IGF1R: variants seen among roughly 807,000 people sequenced by gnomAD.
IGF1R encodes insulin-like growth factor 1 receptor.
A neutral mutation model predicts 144.6 loss-of-function variants in IGF1R; 44 were observed. That is an observed-to-expected ratio of 0.30 (90% confidence interval 0.24 to 0.39). IGF1R has a LOEUF of 0.39. Ranked by LOEUF, IGF1R falls within the 10% of genes least tolerant of loss-of-function variation. IGF1R has a pLI of 1.00. For synonymous variants in IGF1R, 795 were observed against 722.8 expected, an observed-to-expected ratio of 1.10 and a Z score of -1.60; for missense variants, 1,355 against 1,833.7, an observed-to-expected ratio of 0.74 and a Z score of 4.77.
Position 98,957,408 on chromosome 15 carries a change from G to T in IGF1R, c.4070G>T (p.Arg1357Leu). 6.2e-7 allele frequency: 1 copy of T among 1,613,262 alleles called. No homozygotes were observed. Among genetic ancestry groups the T allele is most frequent in the Non-Finnish European group, 8.5e-7 (1 of 1,180,042 alleles). The change falls in exon 21 of 21, where the codon CGG becomes CTG. Residue 1357 changes from arginine to leucine, a missense_variant. Transcript: ENST00000650285. ...ATGAACGGGGGCCGCAAGAACGAGC[G>T]GGCCTTGCCGCTGCCCCAGTCTTCG... is the stretch of plus-strand genomic sequence containing the variant. ...AHMNGGRKNE[R>L]ALPLPQSSTC
chr15:98,929,697 T>G (rs754204097), intron 14 of IGF1R, 37 bp downstream of exon 14: 2 of 1,354,974 alleles, frequency 1.5e-6, no homozygotes, highest in Non-Finnish European at 2.1e-6. Context: ...TTTCTGTGGC[T>G]GAGTGGTTTG....
intron 2 of IGF1R, among the ~76,000 whole-genome samples, chr15:98,814,306 C>T (rs1351618698): frequency 6.6e-6 from 1 of 152,060 alleles, no homozygotes; most frequent in Non-Finnish European, 1.5e-5. Flanking sequence ...TTTTAATGCC[C>T]TGTGTAGCAC....
intron 11 of IGF1R, among the ~76,000 whole-genome samples, chr15:98,923,513 T>C (rs2015578473): frequency 6.6e-6 from 1 of 152,198 alleles, no homozygotes; most frequent in South Asian, 2.1e-4. Flanking sequence ...TTTTTTCAAG[T>C]GGTAGGCACA....
intron 20 of IGF1R, among the ~76,000 whole-genome samples, chr15:98,949,672 C>A (rs1567218441): frequency 6.6e-6 from 1 of 152,164 alleles, no homozygotes; most frequent in Non-Finnish European, 1.5e-5. Context: ...CACCTGGCAA[C>A]CCCACTTATT....
chr15:98,821,280 G>A (rs1280102256), intron 2 of IGF1R, among the ~76,000 whole-genome samples: 1 of 146,540 alleles, frequency 6.8e-6, no homozygotes, highest in Non-Finnish European at 1.5e-5. Context: ...TTTTAAACAC[G>A]CCTCCCCCCC....
At chr15:98,683,893 G>T (rs1317077779) in intron 1 of IGF1R, among the ~76,000 whole-genome samples, 3 of 152,180 alleles carry the variant, frequency 2.0e-5, no homozygotes, top group African/African-American at 7.2e-5. Context: ...TGAATTGCTT[G>T]TTCACAGTAT....
chr15:98,810,609 C>T (rs1246577935), intron 2 of IGF1R, among the ~76,000 whole-genome samples: 3 of 148,682 alleles, frequency 2.0e-5, no homozygotes, highest in Non-Finnish European at 4.4e-5. Flanking sequence ...AGTGCGGTGG[C>T]GCGATCTCTG....
At chr15:98,728,033 C>G (rs1347462222) in intron 2 of IGF1R, among the ~76,000 whole-genome samples, 2 of 58,952 alleles carry the variant, frequency 3.4e-5, no homozygotes, top group Non-Finnish European at 7.8e-5. Context: ...TTTTTTTAAG[C>G]GAGCAGCAGC....
At chr15:98,778,229 C>T (rs2055769579) in intron 2 of IGF1R, among the ~76,000 whole-genome samples, 1 of 152,170 alleles carries the variant, frequency 6.6e-6, no homozygotes, top group Admixed American at 6.5e-5. Flanking sequence ...AGTCATGCCA[C>T]ATGGTGACTG....
intron 2 of IGF1R, among the ~76,000 whole-genome samples, chr15:98,752,722 C>T (rs1259796172): frequency 6.6e-6 from 1 of 151,884 alleles, no homozygotes; most frequent in African/African-American, 2.4e-5. Flanking sequence ...CCTTATCCCC[C>T]AAATGTACCT....
intron 2 of IGF1R, among the ~76,000 whole-genome samples, chr15:98,826,801 GGAAGTGCTGTA>G: frequency 6.6e-6 from 1 of 152,312 alleles, no homozygotes; most frequent in East Asian, 1.9e-4. Flanking sequence ...AAAGACAGAG[GGAAGTGCTGTA>G]TTTTGTTGCT....
At chr15:98,765,239 A>G (rs978154477) in intron 2 of IGF1R, among the ~76,000 whole-genome samples, 13 of 150,252 alleles carry the variant, frequency 8.7e-5, no homozygotes, top group African/African-American at 2.7e-4. Flanking sequence ...AGACACCTCA[A>G]TCTTTGTTCT....
At chr15:98,856,782 A>G (rs1354944532) in intron 2 of IGF1R, among the ~76,000 whole-genome samples, 4 of 152,212 alleles carry the variant, frequency 2.6e-5, no homozygotes, top group Non-Finnish European at 5.9e-5. Flanking sequence ...CTGTGCTTGT[A>G]ATGGATGTGC....
At chr15:98,664,129 T>G (rs2052667528) in intron 1 of IGF1R, among the ~76,000 whole-genome samples, 1 of 152,202 alleles carries the variant, frequency 6.6e-6, no homozygotes. Context: ...TTTCCTGCTA[T>G]TAGGAGAGTG....
intron 1 of IGF1R, among the ~76,000 whole-genome samples, chr15:98,688,383 TTCTC>T (rs2053387852): frequency 7.2e-6 from 1 of 138,226 alleles, no homozygotes; most frequent in African/African-American, 2.7e-5. Context: ...CCAACTTTCT[TTCTC>T]TCTTCGACTC....
chr15:98,941,517 T>C (rs1282453587), intron 18 of IGF1R, among the ~76,000 whole-genome samples: 1 of 152,202 alleles, frequency 6.6e-6, no homozygotes, highest in Non-Finnish European at 1.5e-5. Context: ...GTCGTTTGTG[T>C]TTTTTAATAG....
intron 1 of IGF1R, among the ~76,000 whole-genome samples, chr15:98,696,648 T>C (rs2053603863): frequency 6.6e-6 from 1 of 152,192 alleles, no homozygotes; most frequent in Non-Finnish European, 1.5e-5. Context: ...CTGATACCAC[T>C]GCTAGAGTGC....
chr15:98,895,311 G>A (rs1437889091), intron 3 of IGF1R, among the ~76,000 whole-genome samples: 1 of 151,760 alleles, frequency 6.6e-6, no homozygotes, highest in Non-Finnish European at 1.5e-5. Context: ...GTAAGATGTA[G>A]TAAACATTGG....
chr15:98,679,518 G>A (rs762301833), intron 1 of IGF1R, among the ~76,000 whole-genome samples: 9 of 152,152 alleles, frequency 5.9e-5, no homozygotes, highest in African/African-American at 1.7e-4. Context: ...TAGGGATATC[G>A]TGTCTGTTGT....
Sources: allele counts gnomAD v4.1 joint callset (sites outside exome capture counted in the v4.1 genomes callset), GRCh38; gene constraint gnomAD v4.1.1; transcripts MANE v1.5; gene names NCBI Gene and HGNC (gene_info 2026-07-23, HGNC 2026-07-21).